SLC13A1: variants seen among roughly 807,000 people sequenced by gnomAD.
SLC13A1 encodes the protein solute carrier family 13 member 1, also known as Na(+)/sulfate cotransporter.
In SLC13A1, 65 loss-of-function variants were observed where a neutral mutation model predicts 70.0. The ratio of observed to expected loss-of-function variants is 0.93; its 90% confidence interval spans 0.76 to 1.14. SLC13A1 has a LOEUF of 1.14. Ranked by LOEUF, SLC13A1 falls within the 50% of genes most tolerant of loss-of-function variation. The pLI is 0.00. For missense variants in SLC13A1, 726 were observed against 717.8 expected (o/e 1.01, Z -0.13); for synonymous variants, 275 against 250.5 (o/e 1.10, Z -0.92).
At chr7:123,198,559 C>T (rs944305786) in intron 1 of SLC13A1, among the ~76,000 whole-genome samples, 3 of 151,962 alleles carry the variant, frequency 2.0e-5, no homozygotes, top group Non-Finnish European at 2.9e-5. Flanking sequence ...TGGGAGACAA[C>T]CCACAGATGC....
intron 7 of SLC13A1, among the ~76,000 whole-genome samples, chr7:123,143,394 A>T (rs988006516): frequency 6.6e-6 from 1 of 152,118 alleles, no homozygotes; most frequent in Non-Finnish European, 1.5e-5. Flanking sequence ...GGGTTGTGGG[A>T]AGTCAAGTTC....
intron 1 of SLC13A1, chr7:123,186,727 C>T (rs1192169900): frequency 6.6e-6 from 3 of 454,966 alleles, no homozygotes; most frequent in African/African-American, 2.0e-5. Context: ...CTGATACATC[C>T]GATATCGTTA....
chr7:123,182,930 A>C (rs534832758), intron 1 of SLC13A1, among the ~76,000 whole-genome samples: 1 of 152,002 alleles, frequency 6.6e-6, no homozygotes, highest in Non-Finnish European at 1.5e-5. Context: ...ACCCACCTTC[A>C]CTTTGACTAT....
chr7:123,175,018 C>T (rs1341117825), intron 2 of SLC13A1, among the ~76,000 whole-genome samples: 10 of 151,936 alleles, frequency 6.6e-5, no homozygotes, highest in Non-Finnish European at 1.5e-5. Flanking sequence ...TTGATAATTT[C>T]TTCACTTATT....
At chr7:123,167,127 T>A (rs1219628575) in intron 6 of SLC13A1, among the ~76,000 whole-genome samples, 2 of 152,150 alleles carry the variant, frequency 1.3e-5, no homozygotes, top group Non-Finnish European at 2.9e-5. Flanking sequence ...ATTGTGGAAG[T>A]CAGTGTGGCG....
intron 6 of SLC13A1, among the ~76,000 whole-genome samples, chr7:123,153,191 T>C (rs910120849): frequency 4.6e-5 from 7 of 152,204 alleles, no homozygotes; most frequent in African/African-American, 1.7e-4. Flanking sequence ...CAGGTTAATA[T>C]GTTTGCCATG....
At chr7:123,179,841 C>A (rs1488384264) in intron 2 of SLC13A1, among the ~76,000 whole-genome samples, 1 of 152,094 alleles carries the variant, frequency 6.6e-6, no homozygotes, top group Non-Finnish European at 1.5e-5. Context: ...GGACACAGAA[C>A]CATCCAAGCC....
intron 1 of SLC13A1, among the ~76,000 whole-genome samples, chr7:123,189,490 TTA>T (rs1353904074): frequency 1.3e-5 from 2 of 152,164 alleles, no homozygotes; most frequent in Admixed American, 1.3e-4. Flanking sequence ...CTCCTTCATC[TTA>T]TATGTTTTTC....
At chr7:123,196,423 C>G (rs542652056) in intron 1 of SLC13A1, among the ~76,000 whole-genome samples, 1 of 152,034 alleles carries the variant, frequency 6.6e-6, no homozygotes, top group Non-Finnish European at 1.5e-5. Flanking sequence ...GACACAGATA[C>G]TCAGTTGTGA....
At chr7:123,182,179 C>G (rs1563352652) in intron 1 of SLC13A1, among the ~76,000 whole-genome samples, 1 of 152,114 alleles carries the variant, frequency 6.6e-6, no homozygotes, top group Non-Finnish European at 1.5e-5. Flanking sequence ...AATAAAACAA[C>G]AAAACAAAGC....
At chr7:123,197,218 T>A (rs1394225294) in intron 1 of SLC13A1, among the ~76,000 whole-genome samples, 1 of 152,100 alleles carries the variant, frequency 6.6e-6, no homozygotes, top group Non-Finnish European at 1.5e-5. Context: ...AACAACTCAA[T>A]AACAAGCAGG....
At chr7:123,171,673 A>C in intron 3 of SLC13A1, 95 bp downstream of exon 3, 1 of 1,258,106 alleles carries the variant, frequency 7.9e-7, no homozygotes, top group Non-Finnish European at 1.1e-6. Context: ...TGATACAAAG[A>C]ATTTCCTGGG....
chr7:123,122,353 G>A (rs1793409703), intron 12 of SLC13A1, among the ~76,000 whole-genome samples: 1 of 152,108 alleles, frequency 6.6e-6, no homozygotes, highest in Non-Finnish European at 1.5e-5. Flanking sequence ...AGAGCCATAA[G>A]CTTTGAATAT....
chr7:123,169,979 G>A (rs1298595179), intron 3 of SLC13A1, among the ~76,000 whole-genome samples: 1 of 152,100 alleles, frequency 6.6e-6, no homozygotes, highest in African/African-American at 2.4e-5. Flanking sequence ...CTATTGTCAA[G>A]ATCTGGACAC....
intron 2 of SLC13A1, among the ~76,000 whole-genome samples, chr7:123,175,634 A>G (rs967539256): frequency 4.6e-5 from 7 of 152,118 alleles, no homozygotes; most frequent in South Asian, 2.1e-4. Context: ...CATACACTCA[A>G]TCTGCCAGTG....
At position 123,199,934 on chromosome 7, in the gene SLC13A1, T is replaced by A; in HGVS notation, c.13A>T (p.Ser5Cys). 6.2e-7 allele frequency: 1 copy of A among 1,612,462 alleles called. No individual in the cohort carries two copies. Among genetic ancestry groups the A allele is most frequent in the East Asian group, 2.2e-5 (1 of 44,824 alleles). ...AATCGGCGATAAACCAGAATGTAACTGAAGAATTTCATTGTCCTGAGCAGG... is the reference window on the plus strand; with the variant it reads ...AATCGGCGATAAACCAGAATGTAACAGAAGAATTTCATTGTCCTGAGCAGG... MKFF[S>C]YILVYRRFLF... is the part of the protein sequence containing the mutation. Residue 5 changes from serine (S) to cysteine (C), a missense_variant, in exon 1 of 15, where the codon AGT becomes TGT. By Grantham distance (112) the Ser-to-Cys change is moderately radical (BLOSUM62 -1). Transcript: ENST00000194130.
intron 1 of SLC13A1, among the ~76,000 whole-genome samples, chr7:123,199,349 A>G (rs555290024): frequency 4.3e-4 from 65 of 152,204 alleles, no homozygotes; most frequent in African/African-American, 1.3e-3. Flanking sequence ...TAAGCTTTCA[A>G]TGTCTTCTTT....
At chr7:123,177,239 C>T (rs1795477766) in intron 2 of SLC13A1, among the ~76,000 whole-genome samples, 1 of 151,978 alleles carries the variant, frequency 6.6e-6, no homozygotes, top group South Asian at 2.1e-4. Flanking sequence ...AACCATATGC[C>T]ATATCTAATC....
intron 1 of SLC13A1, among the ~76,000 whole-genome samples, chr7:123,198,842 G>A (rs1268363049): frequency 3.3e-5 from 5 of 152,058 alleles, no homozygotes; most frequent in Non-Finnish European, 7.4e-5. Context: ...GGAGTGCTGG[G>A]AATTGCCCCA....
Sources: gnomAD v4.1 joint callset for allele counts (sites outside exome capture counted in the v4.1 genomes callset) on GRCh38, gnomAD v4.1.1 for gene constraint, MANE v1.5 for transcripts, NCBI Gene and HGNC (gene_info 2026-07-23, HGNC 2026-07-21) for gene names.